Variants in RNGTT observed in about 807,000 individuals in gnomAD.
RNGTT encodes RNA guanylyltransferase and 5'-phosphatase.
Under a neutral mutation model 79.3 loss-of-function variants are expected in RNGTT, and 33 were observed. That is an observed-to-expected ratio of 0.42 (90% CI 0.32 to 0.56). The LOEUF (loss-of-function observed/expected upper bound fraction) is 0.56. Among genes scored for constraint, RNGTT ranks in the 20% least tolerant of loss-of-function variants. The pLI, the probability that RNGTT is intolerant of heterozygous loss-of-function variation, is 0.17. For missense variants in RNGTT, 497 were observed against 739.1 expected, an observed-to-expected ratio of 0.67 and a Z score of 3.80; for synonymous variants, 222 against 235.9, an observed-to-expected ratio of 0.94 and a Z score of 0.54.
Position 88,643,851 on chromosome 6 carries a change from C to T in RNGTT, c.1507-29456G>A, listed in dbSNP as rs533269833. On this transcript the variant is annotated intron_variant, in intron 14 of 15. Transcript: ENST00000369485. Reference sequence around the variant, plus strand: ...CAGAATCTCTGGGACACATTTAAAGCGGTGTGTAGAGGGAAATGTATGGCA... The same window carrying T: ...CAGAATCTCTGGGACACATTTAAAGTGGTGTGTAGAGGGAAATGTATGGCA... 1.4e-4 allele frequency among the ~76,000 whole-genome samples: 22 copies of T among 152,254 alleles called. No homozygotes were observed. In the East Asian group the frequency reaches 1.5e-3, roughly 11 times the overall value.
intron 13 of RNGTT, among the ~76,000 whole-genome samples, chr6:88,723,487 C>T (rs1236341110): frequency 6.6e-6 from 1 of 152,162 alleles, no homozygotes; most frequent in Non-Finnish European, 1.5e-5. Flanking sequence ...ACATTATTTT[C>T]ATACTTTCTC....
chr6:88,680,868 T>C (rs545964432), intron 13 of RNGTT, among the ~76,000 whole-genome samples: 5 of 152,146 alleles, frequency 3.3e-5, no homozygotes, highest in Non-Finnish European at 7.3e-5. Flanking sequence ...ATGTAAGTGA[T>C]GACATCATAA....
At chr6:88,637,191 T>C (rs1440583349) in intron 14 of RNGTT, among the ~76,000 whole-genome samples, 1 of 152,030 alleles carries the variant, frequency 6.6e-6, no homozygotes, top group African/African-American at 2.4e-5. Flanking sequence ...AAAAGTATGA[T>C]GATATATCAC....
chr6:88,848,050 T>A (rs1302110244), intron 10 of RNGTT, among the ~76,000 whole-genome samples: 1 of 151,388 alleles, frequency 6.6e-6, no homozygotes, highest in Non-Finnish European at 1.5e-5. Context: ...ATTATAAGAT[T>A]ATACAAACTT....
chr6:88,750,590 C>G (rs866045808), intron 13 of RNGTT, among the ~76,000 whole-genome samples: 2 of 152,120 alleles, frequency 1.3e-5, no homozygotes, highest in African/African-American at 4.8e-5. Flanking sequence ...TGTTCACTAC[C>G]TCTCCAGGGT....
intron 2 of RNGTT, among the ~76,000 whole-genome samples, chr6:88,929,911 TATATACACGTATATACATATGTATAC>T (rs1582142730): frequency 2.8e-5 from 4 of 140,638 alleles, no homozygotes; most frequent in African/African-American, 1.1e-4. Flanking sequence ...TACATATGCA[TATATACACGTATATACATATGTATAC>T]ATATGCATAT....
intron 14 of RNGTT, among the ~76,000 whole-genome samples, chr6:88,620,568 AACT>A (rs1308681844): frequency 3.3e-5 from 5 of 152,224 alleles, no homozygotes; most frequent in African/African-American, 1.2e-4. Flanking sequence ...TCCTAAAATA[AACT>A]ACGTTTCACC....
At chr6:88,718,556 G>A (rs544765246) in intron 13 of RNGTT, among the ~76,000 whole-genome samples, 1 of 152,116 alleles carries the variant, frequency 6.6e-6, no homozygotes, top group South Asian at 2.1e-4. Flanking sequence ...CCTATGATTT[G>A]CCCTAATGAC....
chr6:88,863,611 TAG>T (rs1782080237), intron 8 of RNGTT, among the ~76,000 whole-genome samples: 1 of 152,142 alleles, frequency 6.6e-6, no homozygotes, highest in Admixed American at 6.6e-5. Flanking sequence ...CATCAAGATT[TAG>T]AGTCTTGTGT....
chr6:88,841,488 C>A (rs1423995900), intron 11 of RNGTT, among the ~76,000 whole-genome samples: 1 of 152,116 alleles, frequency 6.6e-6, no homozygotes, highest in Non-Finnish European at 1.5e-5. Context: ...ATCATAACCA[C>A]CCTCCTCCCA....
chr6:88,820,735 G>C (rs1217237445), intron 11 of RNGTT, among the ~76,000 whole-genome samples: 1 of 152,030 alleles, frequency 6.6e-6, no homozygotes, highest in Non-Finnish European at 1.5e-5. Context: ...GAAATACTTA[G>C]GGATAACATA....
At chr6:88,882,506 G>C (rs1782722408) in intron 8 of RNGTT, among the ~76,000 whole-genome samples, 1 of 151,806 alleles carries the variant, frequency 6.6e-6, no homozygotes, top group Non-Finnish European at 1.5e-5. Flanking sequence ...TTAGTGGTGG[G>C]GAATGTAACA....
intron 14 of RNGTT, among the ~76,000 whole-genome samples, chr6:88,652,829 C>T (rs1295278717): frequency 6.6e-6 from 1 of 152,064 alleles, no homozygotes; most frequent in Non-Finnish European, 1.5e-5. Context: ...ACTGTTGTGC[C>T]TGCATTTAGG....
chr6:88,671,427 C>T (rs1458427306), intron 14 of RNGTT, among the ~76,000 whole-genome samples: 1 of 152,134 alleles, frequency 6.6e-6, no homozygotes, highest in Non-Finnish European at 1.5e-5. Context: ...AGGAAAACTA[C>T]AAAACATTGC....
At chr6:88,640,269 G>T in intron 14 of RNGTT, among the ~76,000 whole-genome samples, 1 of 151,902 alleles carries the variant, frequency 6.6e-6, no homozygotes, top group East Asian at 1.9e-4. Flanking sequence ...GAGCAATAAA[G>T]GCCAGTGCAG....
At chr6:88,855,574 T>G (rs1394586341) in intron 8 of RNGTT, among the ~76,000 whole-genome samples, 1 of 152,084 alleles carries the variant, frequency 6.6e-6, no homozygotes, top group African/African-American at 2.4e-5. Flanking sequence ...TTTAAAGTTT[T>G]AATAATAATG....
intron 2 of RNGTT, among the ~76,000 whole-genome samples, chr6:88,937,052 T>A (rs1243102087): frequency 6.6e-6 from 1 of 152,112 alleles, no homozygotes; most frequent in Non-Finnish European, 1.5e-5. Flanking sequence ...TTCATAATAG[T>A]CTTTGATGGG....
chr6:88,867,584 A>G (rs949760497), intron 8 of RNGTT, among the ~76,000 whole-genome samples: 2 of 152,068 alleles, frequency 1.3e-5, no homozygotes, highest in Admixed American at 1.3e-4. Flanking sequence ...TGAAAAAAAA[A>G]GTTTTCACTG....
Position 88,698,258 on chromosome 6 carries a change from TAA to T in RNGTT, c.1440-19841_1440-19840del, listed in dbSNP as rs1775805565. Among the ~76,000 whole-genome samples the T allele has an allele frequency of 4.3e-5, 4 of 93,478 alleles. No individual in the cohort carries two copies. In the African/African-American group the frequency reaches 5.3e-4, roughly 12 times the overall value. 61.3% of individuals were successfully genotyped at this position (93,478 alleles called of 152,430 possible). On this transcript the variant is annotated intron_variant, in intron 13 of 15. Transcript: ENST00000369485. ...GAAATATATATATGAAATATATATA[TAA>T]ATATATATGATATATATATTTCATA...
Sources: allele counts gnomAD v4.1 joint callset (sites outside exome capture counted in the v4.1 genomes callset), GRCh38; gene constraint gnomAD v4.1.1; transcripts MANE v1.5; gene names NCBI Gene and HGNC (gene_info 2026-07-23, HGNC 2026-07-21).